PTK7: variants seen among roughly 807,000 people sequenced by gnomAD.
PTK7 encodes the protein inactive tyrosine-protein kinase 7.
In PTK7, 39 loss-of-function variants were observed where a neutral mutation model predicts 116.6. The ratio of observed to expected loss-of-function variants is 0.33; its 90% confidence interval spans 0.26 to 0.44. The LOEUF (loss-of-function observed/expected upper bound fraction) is 0.44, where lower values mean the gene tolerates loss of function less well. PTK7 is among the 20% of genes least tolerant of loss of function. The probability of loss-of-function intolerance (pLI) is 1.00; values close to 1 mark genes in which losing one functional copy is unlikely to be tolerated. For synonymous variants in PTK7, 546 were observed against 563.6 expected (o/e 0.97, Z 0.44); for missense variants, 1,169 against 1,425.6 (o/e 0.82, Z 2.90).
chr6:43,152,214 TTA>T (rs1363185973), intron 17 of PTK7, among the ~76,000 whole-genome samples: 3 of 151,594 alleles, frequency 2.0e-5, no homozygotes, highest in Non-Finnish European at 4.4e-5. Context: ...TCCTGAGATT[TTA>T]TGTCTTCACT....
chr6:43,105,594 T>G (rs1239706233), intron 1 of PTK7, among the ~76,000 whole-genome samples: 2 of 152,044 alleles, frequency 1.3e-5, no homozygotes, highest in African/African-American at 4.8e-5. Flanking sequence ...GTAGATATAA[T>G]CAAGGTAAGA....
chr6:43,081,299 C>A (rs1410681641), intron 1 of PTK7, among the ~76,000 whole-genome samples: 1 of 152,166 alleles, frequency 6.6e-6, no homozygotes, highest in Non-Finnish European at 1.5e-5. Context: ...ATATTTTTGC[C>A]CCTATTGGGT....
chr6:43,147,890 G>C (rs1770817102), intron 17 of PTK7, among the ~76,000 whole-genome samples: 1 of 152,160 alleles, frequency 6.6e-6, no homozygotes, highest in South Asian at 2.1e-4. Context: ...GAGATTTCAG[G>C]ACTAAAGAGC....
At chr6:43,131,059 A>G (rs1028928320) in intron 5 of PTK7, among the ~76,000 whole-genome samples, 4 of 145,154 alleles carry the variant, frequency 2.8e-5, no homozygotes, top group Non-Finnish European at 4.4e-5. Context: ...ACACACACAC[A>G]CACACACACA....
intron 1 of PTK7, among the ~76,000 whole-genome samples, chr6:43,112,245 T>G (rs1561951059): frequency 1.2e-5 from 1 of 82,338 alleles, no homozygotes; most frequent in Non-Finnish European, 2.2e-5. Flanking sequence ...TAGCCAGTTT[T>G]ATTTATTTAT....
Position 43,109,997 on chromosome 6 carries a change from C to CTT in PTK7, c.80-18964_80-18963dup, listed in dbSNP as rs35351540. 4.5e-3 allele frequency among the ~76,000 whole-genome samples: 498 copies of CTT among 109,590 alleles called. 13 individuals are homozygous for CTT. Among genetic ancestry groups the CTT allele is most frequent in the African/African-American group, 0.014 (394 of 27,848 alleles). The allele number at this position is 109,590 out of a possible 152,430, so 71.9% of individuals were successfully genotyped here. ...ACAGGCGTGAGCCACCATGCCCGGC[C>CTT]TTTTTTTTTTTTTTTTTGAGACAGA... On this transcript the variant is annotated intron_variant, in intron 1 of 19. Coordinates refer to ENST00000230419, the MANE Select transcript of PTK7 (RefSeq NM_002821.5).
rs530206707 is a variant in PTK7, at chr6:43,161,552, G to A, written c.*671G>A. 4.0e-5 allele frequency: 6 copies of A among 150,694 alleles called. No homozygotes were observed. The highest frequency in any genetic ancestry group is 2.1e-4 in the South Asian group (1 of 4,732). The allele number at this position is 150,694 out of a possible 1,614,324, so 9.3% of individuals were successfully genotyped here. A position where few individuals can be genotyped will look rare whatever the true frequency, so the allele number is the denominator to read the frequency against. Reference sequence around the variant, plus strand: ...GGCGGCTTTTATATGTAATTGCAGCGTGGGGTGGGTGGGCATGGGAGGTAG... The same window carrying A: ...GGCGGCTTTTATATGTAATTGCAGCATGGGGTGGGTGGGCATGGGAGGTAG... On this transcript the variant is annotated 3_prime_UTR_variant, in exon 20 of 20. Transcript: ENST00000230419.
In PTK7 at chr6:43,144,428, G is replaced by A. The variant is rs201731883; in HGVS notation, c.2252-23G>A. 2.6e-5 allele frequency: 42 copies of A among 1,613,846 alleles called. 1 individual carries two copies. The Admixed American group carries it at 4.2e-4, about 16-fold the overall frequency. On this transcript the variant is annotated intron_variant, in intron 14 of 19. Coordinates refer to ENST00000230419, the MANE Select transcript of PTK7 (RefSeq NM_002821.5). Reference sequence around the variant, plus strand: ...CCAGAGTGTCAGGTCTCATCGTGACGCTCTTGTCCTCCTCCTTCCCAGGTG... The same window carrying A: ...CCAGAGTGTCAGGTCTCATCGTGACACTCTTGTCCTCCTCCTTCCCAGGTG...
intron 1 of PTK7, among the ~76,000 whole-genome samples, chr6:43,094,110 G>A (rs1418730374): frequency 6.6e-6 from 1 of 152,208 alleles, no homozygotes; most frequent in African/African-American, 2.4e-5. Flanking sequence ...GACAGGATTC[G>A]CACTCAGTAT....
rs752771526 is a variant in PTK7, at chr6:43,141,889, G to A, written c.1769-42G>A. 3 of 1,595,388 alleles carry A rather than the reference G, an allele frequency of 1.9e-6. No individual in the cohort carries two copies. The highest frequency in any genetic ancestry group is 2.6e-6 in the Non-Finnish European group (3 of 1,168,648). ...GCACCGTGTACCCTGCCAGCCCCTTGGCTTACCCCTCCCTGCGCCTCGCTG... is the reference window on the plus strand; with the variant it reads ...GCACCGTGTACCCTGCCAGCCCCTTAGCTTACCCCTCCCTGCGCCTCGCTG... On this transcript the variant is annotated intron_variant, in intron 11 of 19. Transcript: ENST00000230419. The surrounding 1 kb of genome is among the most constrained non-coding windows in gnomAD (Gnocchi z 4.9).
At chr6:43,130,692 C>T in intron 5 of PTK7, 31 bp downstream of exon 5, 1 of 1,610,214 alleles carries the variant, frequency 6.2e-7, no homozygotes, top group Non-Finnish European at 8.5e-7. Context: ...CATTCCAGTA[C>T]CATGTACCAC....
At chr6:43,144,396 A>T in intron 14 of PTK7, 55 bp from the exon 15 acceptor site, 3 of 1,609,084 alleles carry the variant, frequency 1.9e-6, no homozygotes, top group Non-Finnish European at 2.5e-6. Context: ...AGAAATCCCC[A>T]TGGTGGCCAG....
At chr6:43,102,598 A>G (rs142757127) in intron 1 of PTK7, among the ~76,000 whole-genome samples, 29 of 151,618 alleles carry the variant, frequency 1.9e-4, no homozygotes, top group African/African-American at 6.8e-4. Flanking sequence ...CCCCTACCCC[A>G]CCAAAAAAAA....
chr6:43,111,868 G>T (rs1481647902), intron 1 of PTK7, among the ~76,000 whole-genome samples: 15 of 148,070 alleles, frequency 1.0e-4, no homozygotes, highest in African/African-American at 3.5e-4. Flanking sequence ...ATTTAGTAGA[G>T]ATGAGGTCTT....
At chr6:43,079,567 C>T (rs895189504) in intron 1 of PTK7, among the ~76,000 whole-genome samples, 4 of 151,768 alleles carry the variant, frequency 2.6e-5, no homozygotes, top group East Asian at 1.9e-4. Context: ...TTACATATAA[C>T]GTACACACAA....
Position 43,079,159 on chromosome 6 carries a change from C to G in PTK7, c.79+2592C>G, listed in dbSNP as rs374104463. ...TCTGCAGGGAATTGGAATAGGACTCCCTGAGAATAACAAAATCCAAGGGTG... is the reference window on the plus strand; with the variant it reads ...TCTGCAGGGAATTGGAATAGGACTCGCTGAGAATAACAAAATCCAAGGGTG... On this transcript the variant is annotated intron_variant, in intron 1 of 19. Coordinates refer to ENST00000230419, the MANE Select transcript of PTK7 (RefSeq NM_002821.5). 3.3e-5 allele frequency among the ~76,000 whole-genome samples: 5 copies of G among 152,270 alleles called. No individual in the cohort carries two copies. The East Asian group carries it at 7.7e-4, about 23-fold the overall frequency.
chr6:43,158,412 G>A (rs1327488461), intron 17 of PTK7, among the ~76,000 whole-genome samples: 1 of 152,184 alleles, frequency 6.6e-6, no homozygotes, highest in Non-Finnish European at 1.5e-5. Context: ...AGGCTGCAGT[G>A]AGCTGTGATC....
At chr6:43,128,382 G>A (rs1490550024) in intron 1 of PTK7, among the ~76,000 whole-genome samples, 1 of 152,154 alleles carries the variant, frequency 6.6e-6, no homozygotes, top group Admixed American at 6.5e-5. Context: ...CCATTCATTT[G>A]GCATTTATGT....
At chr6:43,151,534 G>GTTT (rs200011172) in intron 17 of PTK7, among the ~76,000 whole-genome samples, 1 of 120,324 alleles carries the variant, frequency 8.3e-6, no homozygotes, top group African/African-American at 3.0e-5. Context: ...TTTGTTTTTT[G>GTTT]TTTTTTTTTT....
Sources: allele counts gnomAD v4.1 joint callset (sites outside exome capture counted in the v4.1 genomes callset), GRCh38; gene constraint gnomAD v4.1.1; non-coding constraint Gnocchi (gnomAD v3.1); transcripts MANE v1.5; gene names NCBI Gene and HGNC (gene_info 2026-07-23, HGNC 2026-07-21).